Variants in NBEAL2 observed in about 807,000 individuals in gnomAD.
NBEAL2 encodes the protein neurobeachin-like protein 2.
NBEAL2 carries 160 observed loss-of-function variants against 299.8 expected under a neutral mutation model. That is an observed-to-expected ratio of 0.53 (90% CI 0.47 to 0.61). The LOEUF is 0.61. NBEAL2 is among the 20% of genes least tolerant of loss of function. The pLI is 0.00. For missense variants in NBEAL2, 3,112 were observed against 3,649.0 expected, an observed-to-expected ratio of 0.85 and a Z score of 3.79; for synonymous variants, 1,493 against 1,542.3, an observed-to-expected ratio of 0.97 and a Z score of 0.75.
intron 12 of NBEAL2, 21 bp downstream of exon 12, chr3:46,994,574 C>G: frequency 6.4e-7 from 1 of 1,555,292 alleles, no homozygotes; most frequent in Non-Finnish European, 8.7e-7. Context: ...GGGCTTGGGA[C>G]CAGGGTCCCA....
At position 47,009,560 on chromosome 3, in the gene NBEAL2, A is replaced by G. The variant is rs1471377510; in HGVS notation, c.*240A>G. The G allele has an allele frequency of 3.6e-6, 2 of 557,492 alleles. No individual in the cohort carries two copies. Among genetic ancestry groups the G allele is most frequent in the Admixed American group, 6.6e-5 (2 of 30,306 alleles). The allele number at this position is 557,492 out of a possible 1,614,324, so 34.5% of individuals were successfully genotyped here. On this transcript the variant is annotated 3_prime_UTR_variant, in exon 54 of 54. Coordinates refer to ENST00000450053, the MANE Select transcript of NBEAL2 (RefSeq NM_015175.3). ...CAGCACTGGCGTCTGCGGCCGCAGC[A>G]GCACTTTTTGCACAGTCTGGGGCGG...
Position 46,999,639 on chromosome 3 carries a change from A to T in NBEAL2, c.3713A>T (p.Asn1238Ile), listed in dbSNP as rs753165360. The T allele has an allele frequency of 6.2e-7, 1 of 1,611,442 alleles. No homozygotes were observed. Among genetic ancestry groups the T allele is most frequent in the Non-Finnish European group, 8.5e-7 (1 of 1,178,238 alleles). ...YKLFLGADCL[N>I]LSDLLAVVQL... ...CAACCCATCCCCCCAGATTGCCTGA[A>T]CCTCTCAGATCTGCTGGCTGTGGTA... is the stretch of plus-strand genomic sequence containing the variant. Residue 1238 changes from asparagine to isoleucine, a missense_variant, in exon 26 of 54, where the codon AAC (asparagine) becomes ATC (isoleucine). By Grantham distance (149) the Asn-to-Ile change is moderately radical. This residue lies in a region of NBEAL2 where 2,243 missense variants were observed against 2,538.1 expected (regional missense o/e 0.88). Coordinates refer to ENST00000450053, the MANE Select transcript of NBEAL2 (RefSeq NM_015175.3).
At position 47,004,847 on chromosome 3, in the gene NBEAL2, C is replaced by G; in HGVS notation, c.6295-125C>G. On this transcript the variant is annotated intron_variant, in intron 38 of 53. Coordinates refer to ENST00000450053, the MANE Select transcript of NBEAL2 (RefSeq NM_015175.3). This position sits in a 1 kb window ranked among gnomAD's most constrained non-coding sequence, Gnocchi z 5.0. ...TCTGTCCTTCTCCCCTGTGACCCCT[C>G]TAAGTGGTGCTCCCCCAACCTGTGG... 1 of 1,416,186 alleles carries G rather than the reference C, an allele frequency of 7.1e-7. No homozygotes were observed. Among genetic ancestry groups the G allele is most frequent in the East Asian group, 2.5e-5 (1 of 40,178 alleles). The allele number at this position is 1,416,186 out of a possible 1,614,324, so 87.7% of individuals were successfully genotyped here.
In NBEAL2 at chr3:46,991,964, T is replaced by TG. The variant is rs2036129194; in HGVS notation, c.1032+23dup. The TG allele has an allele frequency of 6.3e-7, 1 of 1,575,588 alleles. No homozygotes were observed. ...ACAGCAAGGTGGGTAGGGCCCAGCC[T>TG]GGGGGTGAGGGTCTGGAAGCCAGAG... On this transcript the variant is annotated intron_variant, in intron 9 of 53. Coordinates refer to ENST00000450053, the MANE Select transcript of NBEAL2 (RefSeq NM_015175.3). The surrounding 1 kb of genome is among the most constrained non-coding windows in gnomAD (Gnocchi z 6.2).
In NBEAL2 at chr3:46,999,125, C is replaced by T; in HGVS notation, c.3543+8C>T. 1.3e-6 allele frequency: 2 copies of T among 1,563,490 alleles called. No homozygotes were observed. The highest frequency in any genetic ancestry group is 2.4e-5 in the East Asian group (1 of 41,648). On this transcript the variant is annotated splice_region_variant and intron_variant, in intron 24 of 53. Coordinates refer to ENST00000450053, the MANE Select transcript of NBEAL2 (RefSeq NM_015175.3). ...CCCGATCGAGTCTGCAAGGTACACCCAGCCCACCCCCTCCCCTGGCATCCC... is the reference window on the plus strand; with the variant it reads ...CCCGATCGAGTCTGCAAGGTACACCTAGCCCACCCCCTCCCCTGGCATCCC...
At chr3:46,994,674 C>G (rs1312244335) in intron 12 of NBEAL2, 121 bp downstream of exon 12, 2 of 852,032 alleles carry the variant, frequency 2.3e-6, no homozygotes, top group Non-Finnish European at 3.6e-6. Context: ...CATACTGTTA[C>G]CTGTAGCCTG....
Position 46,991,821 on chromosome 3 carries a change from A to C in NBEAL2, c.926-19A>C. ...CCTAGAGGGGTCTGGGCAGGGCCTG[A>C]CCCTTGACCCTTCCACAGACGCCAT... On this transcript the variant is annotated intron_variant, in intron 8 of 53. Transcript: ENST00000450053. This position sits in a 1 kb window ranked among gnomAD's most constrained non-coding sequence, Gnocchi z 6.2. 2 of 1,579,610 alleles carry C rather than the reference A, an allele frequency of 1.3e-6. No individual in the cohort carries two copies. Among genetic ancestry groups the C allele is most frequent in the Non-Finnish European group, 1.7e-6 (2 of 1,162,934 alleles).
chr3:46,980,362 C>G (rs2035236346), intron 1 of NBEAL2, among the ~76,000 whole-genome samples: 1 of 152,204 alleles, frequency 6.6e-6, no homozygotes, highest in East Asian at 1.9e-4. Flanking sequence ...TCGTGGCCAA[C>G]GGGTCTGGGG....
At chr3:46,990,524 A>G (rs1340346185) in intron 6 of NBEAL2, among the ~76,000 whole-genome samples, 2 of 152,124 alleles carry the variant, frequency 1.3e-5, no homozygotes. Flanking sequence ...CTCCAACTGC[A>G]TTCTCAGGTC....
chr3:46,990,200 C>T lies in NBEAL2; in HGVS notation c.556+607C>T, dbSNP rs1307916442. ...TGACCTATTGGGATATTAAATGTCT[C>T]AGTGATGCCCCCATGGAGCTGTGGG... On this transcript the variant is annotated intron_variant, in intron 6 of 53. Coordinates refer to ENST00000450053, the MANE Select transcript of NBEAL2 (RefSeq NM_015175.3). 3.3e-5 allele frequency among the ~76,000 whole-genome samples: 5 copies of T among 152,148 alleles called. No individual in the cohort carries two copies. The East Asian group carries it at 9.6e-4, about 29-fold the overall frequency.
In NBEAL2 at chr3:47,001,450, CAGAG is replaced by C; in HGVS notation, c.4644+15_4644+18del. ...TGTGGAGTGAGAAGGTGCGACCCCTCAGAGAGGCGTGAGCCACATGAACACTCAT... is the reference window on the plus strand; with the variant it reads ...TGTGGAGTGAGAAGGTGCGACCCCTCAGGCGTGAGCCACATGAACACTCAT... On this transcript the variant is annotated intron_variant, in intron 29 of 53. Coordinates refer to ENST00000450053, the MANE Select transcript of NBEAL2 (RefSeq NM_015175.3). This position sits in a 1 kb window ranked among gnomAD's most constrained non-coding sequence, Gnocchi z 6.1. 6.2e-7 allele frequency: 1 copy of C among 1,609,652 alleles called. No individual in the cohort carries two copies. The highest frequency in any genetic ancestry group is 8.5e-7 in the Non-Finnish European group (1 of 1,178,838).
chr3:46,979,936 C>T, intron 1 of NBEAL2, 24 bp downstream of exon 1: 1 of 349,936 alleles, frequency 2.9e-6, no homozygotes, highest in Non-Finnish European at 5.1e-6. Context: ...GCCCCGCGCC[C>T]GCACCCGCAC....
At chr3:47,007,938 C>T (rs1384799739) in intron 49 of NBEAL2, 28 bp downstream of exon 49, 8 of 1,599,774 alleles carry the variant, frequency 5.0e-6, no homozygotes, top group African/African-American at 1.3e-5. Flanking sequence ...CTCTGTGGGG[C>T]CCCCGTAGCC....
chr3:47,006,611 G>A (rs2037464826), intron 45 of NBEAL2, among the ~76,000 whole-genome samples, 162 bp downstream of exon 45: 1 of 152,100 alleles, frequency 6.6e-6, no homozygotes, highest in African/African-American at 2.4e-5. Context: ...GGGCAGGAGG[G>A]GTGCCTTCTT....
chr3:46,992,920 C>T (rs1163102343), intron 10 of NBEAL2, among the ~76,000 whole-genome samples: 2 of 152,186 alleles, frequency 1.3e-5, no homozygotes, highest in Non-Finnish European at 2.9e-5. Flanking sequence ...CCATTTCTTT[C>T]TGTAGATTCT....
In NBEAL2 at chr3:46,989,503, G is replaced by A. The variant is rs1203517594; in HGVS notation, c.474-8G>A. The A allele has an allele frequency of 6.3e-7, 1 of 1,586,168 alleles. No individual in the cohort carries two copies. Among genetic ancestry groups the A allele is most frequent in the Non-Finnish European group, 8.6e-7 (1 of 1,166,280 alleles). On this transcript the variant is annotated splice_region_variant and splice_polypyrimidine_tract_variant and intron_variant, in intron 5 of 53. Coordinates refer to ENST00000450053, the MANE Select transcript of NBEAL2 (RefSeq NM_015175.3). This position sits in a 1 kb window ranked among gnomAD's most constrained non-coding sequence, Gnocchi z 5.5. ...CCGGGCTGATGTACTTGGCCTCACT[G>A]CCCCCAGGGAAGTCATCAGCTCCAA...
In NBEAL2 at chr3:47,000,956, T is replaced by C; in HGVS notation, c.4306-45T>C. On this transcript the variant is annotated intron_variant, in intron 27 of 53. Transcript: ENST00000450053. This position sits in a 1 kb window ranked among gnomAD's most constrained non-coding sequence, Gnocchi z 4.5. ...TGGGCGTCAGCCTGATTCCCTCCCTTAGCCGCCCACAACCCACGCCCACAC... is the reference window on the plus strand; with the variant it reads ...TGGGCGTCAGCCTGATTCCCTCCCTCAGCCGCCCACAACCCACGCCCACAC... The C allele has an allele frequency of 5.8e-6, 9 of 1,556,236 alleles. No individual in the cohort carries two copies. The highest frequency in any genetic ancestry group is 7.8e-6 in the Non-Finnish European group (9 of 1,150,120).
At position 46,989,355 on chromosome 3, in the gene NBEAL2, C is replaced by T. The variant is rs1338307116; in HGVS notation, c.447C>T (p.Tyr149=). 1 of 1,583,240 alleles carries T rather than the reference C, an allele frequency of 6.3e-7. No homozygotes were observed. The highest frequency in any genetic ancestry group is 8.6e-7 in the Non-Finnish European group (1 of 1,164,878). ...TCTGCGAGGGCCTCTTTGACCCTTA[C>T]CAAACCTGGCGGCGCCAGCGCAGTG... ...LLLCEGLFDP[Y]QTWRRQRSGE... The change falls in exon 5 of 54, where the codon TAC becomes TAT. Residue 149 remains tyrosine, a synonymous_variant. Transcript: ENST00000450053. This position sits in a 1 kb window ranked among gnomAD's most constrained non-coding sequence, Gnocchi z 5.5.
intron 17 of NBEAL2, 43 bp from the exon 18 acceptor site, chr3:46,996,911 C>G (rs778737940): frequency 3.1e-6 from 5 of 1,609,658 alleles, no homozygotes; most frequent in Admixed American, 3.3e-5. Context: ...GCCACCCCCT[C>G]CTCCCTCTGA....
Sources: gnomAD v4.1 joint callset for allele counts (sites outside exome capture counted in the v4.1 genomes callset) on GRCh38, gnomAD v4.1.1 for gene constraint, gnomAD v4.1.1 regional missense constraint, Gnocchi (gnomAD v3.1) non-coding constraint, MANE v1.5 for transcripts, NCBI Gene and HGNC (gene_info 2026-07-23, HGNC 2026-07-21) for gene names.